The following PACRG variants were observed in gnomAD, a reference collection of about 807,000 sequenced individuals.
PACRG encodes the protein parkin coregulated.
A neutral mutation model predicts 29.7 loss-of-function variants in PACRG; 29 were observed. That is an observed-to-expected ratio of 0.98 (90% CI 0.73 to 1.33). PACRG has a LOEUF of 1.33. PACRG is among the 40% of genes most tolerant of loss of function. The pLI, the probability that PACRG is intolerant of heterozygous loss-of-function variation, is 0.00. For synonymous variants in PACRG, 116 were observed against 118.7 expected (o/e 0.98, Z 0.15); for missense variants, 279 against 316.2 (o/e 0.88, Z 0.89).
chr6:163,274,094 A>G (rs1048073678), intron 4 of PACRG, among the ~76,000 whole-genome samples: 3 of 151,960 alleles, frequency 2.0e-5, no homozygotes, highest in African/African-American at 7.3e-5. Context: ...GGTTTGTTAC[A>G]TATGTATACA....
intron 2 of PACRG, among the ~76,000 whole-genome samples, chr6:162,954,719 T>A (rs1021222488): frequency 3.9e-5 from 6 of 152,164 alleles, no homozygotes; most frequent in Non-Finnish European, 8.8e-5. Flanking sequence ...AATGAAAACC[T>A]CATGTCAAGT....
At chr6:162,908,585 AC>A in intron 2 of PACRG, among the ~76,000 whole-genome samples, 1 of 152,230 alleles carries the variant, frequency 6.6e-6, no homozygotes, top group Non-Finnish European at 1.5e-5. Flanking sequence ...CCATTCCGAG[AC>A]ATTCCATGTC....
chr6:163,147,474 T>A (rs1455030335), intron 4 of PACRG, among the ~76,000 whole-genome samples: 1 of 152,180 alleles, frequency 6.6e-6, no homozygotes, highest in Non-Finnish European at 1.5e-5. Context: ...TCCCAGTGTC[T>A]CCAATCTTGC....
At chr6:163,278,282 T>C (rs1316922422) in intron 4 of PACRG, among the ~76,000 whole-genome samples, 5 of 152,220 alleles carry the variant, frequency 3.3e-5, no homozygotes, top group Non-Finnish European at 7.3e-5. Context: ...TCTCACTCTG[T>C]GGGTTGTCTG....
At chr6:163,213,682 T>C (rs2128156000) in intron 4 of PACRG, among the ~76,000 whole-genome samples, 1 of 152,336 alleles carries the variant, frequency 6.6e-6, no homozygotes, top group Non-Finnish European at 1.5e-5. Flanking sequence ...TATTTTTTTC[T>C]CATTGATTGG....
intron 4 of PACRG, among the ~76,000 whole-genome samples, chr6:163,161,576 C>T (rs6909176): frequency 0.19 from 28,542 of 152,158 alleles, 3,511 homozygotes; most frequent in African/African-American, 0.34. Flanking sequence ...ATTTTGTACA[C>T]GTGCGTATAT....
chr6:163,149,641 T>C (rs1777991450), intron 4 of PACRG, among the ~76,000 whole-genome samples: 1 of 152,012 alleles, frequency 6.6e-6, no homozygotes, highest in African/African-American at 2.4e-5. Flanking sequence ...CTGCGGGTGC[T>C]GCCCGCACAG....
intron 2 of PACRG, among the ~76,000 whole-genome samples, chr6:163,040,149 G>A (rs992747426): frequency 3.3e-5 from 5 of 152,170 alleles, no homozygotes; most frequent in South Asian, 4.1e-4. Flanking sequence ...CTTCAGCTCC[G>A]GCTGTGGCTA....
intron 4 of PACRG, among the ~76,000 whole-genome samples, chr6:163,239,845 CACACACTCTCACACTCCCACCCCGACAT>C (rs1166149335): frequency 7.1e-5 from 10 of 141,838 alleles, no homozygotes; most frequent in Admixed American, 2.1e-4. Flanking sequence ...CTCACATACA[CACACACTCTCACACTCCCACCCCGACAT>C]ACACACACTC....
At chr6:162,860,044 T>G (rs562290249) in intron 2 of PACRG, among the ~76,000 whole-genome samples, 1 of 83,626 alleles carries the variant, frequency 1.2e-5, no homozygotes, top group African/African-American at 5.0e-5. Flanking sequence ...TTATACTTTC[T>G]AAAAAATGGG....
At chr6:163,224,868 G>T (rs1053040250) in intron 4 of PACRG, among the ~76,000 whole-genome samples, 3 of 152,030 alleles carry the variant, frequency 2.0e-5, no homozygotes, top group African/African-American at 4.8e-5. Context: ...AAACTAAAAA[G>T]CTTCTGTACA....
At chr6:163,282,734 G>T (rs1043741900) in intron 4 of PACRG, among the ~76,000 whole-genome samples, 1 of 148,722 alleles carries the variant, frequency 6.7e-6, no homozygotes, top group Non-Finnish European at 1.5e-5. Context: ...AAAAAGAAAA[G>T]AAATTCATCT....
At chr6:162,797,219 G>A (rs540004937) in intron 1 of PACRG, among the ~76,000 whole-genome samples, 2 of 152,162 alleles carry the variant, frequency 1.3e-5, no homozygotes, top group Non-Finnish European at 2.9e-5. Flanking sequence ...AGGTTACAGT[G>A]AGCCGAGATC....
At chr6:163,062,484 T>C (rs1208180401) in intron 3 of PACRG, among the ~76,000 whole-genome samples, 163 bp downstream of exon 3, 1 of 152,186 alleles carries the variant, frequency 6.6e-6, no homozygotes, top group Non-Finnish European at 1.5e-5. Context: ...TCCAAAAATA[T>C]ATCCCATCAT....
intron 1 of PACRG, among the ~76,000 whole-genome samples, chr6:162,784,674 A>T (rs1255035597): frequency 1.3e-5 from 2 of 152,188 alleles, no homozygotes; most frequent in Non-Finnish European, 2.9e-5. Flanking sequence ...GATACAGAAG[A>T]CTGAGAAGCT....
At chr6:162,764,746 A>AC (rs1264089477) in intron 1 of PACRG, among the ~76,000 whole-genome samples, 8 of 148,734 alleles carry the variant, frequency 5.4e-5, no homozygotes, top group African/African-American at 2.0e-4. Context: ...TGGAATCCAA[A>AC]CTTTTTTTTT....
At chr6:163,100,541 C>T (rs1320918703) in intron 4 of PACRG, among the ~76,000 whole-genome samples, 2 of 152,208 alleles carry the variant, frequency 1.3e-5, no homozygotes, top group Non-Finnish European at 2.9e-5. Context: ...CAGCGCGTGG[C>T]CAGTTCCCCG....
rs139915868 is a variant in PACRG, at chr6:162,881,661, A to C, written c.291+67380A>C. 5.9e-3 allele frequency among the ~76,000 whole-genome samples: 878 copies of C among 149,794 alleles called. 16 individuals are homozygous for C. Among genetic ancestry groups the C allele is most frequent in the African/African-American group, 0.021 (839 of 40,680 alleles). On this transcript the variant is annotated intron_variant, in intron 2 of 4. Coordinates refer to ENST00000366888, the MANE Select transcript of PACRG (RefSeq NM_001080379.2). ...CAGAGACCTGGGGGAATTCTTCACC[A>C]AGACCAGAGACCCAGGGACACTCTC...
intron 2 of PACRG, among the ~76,000 whole-genome samples, chr6:162,912,795 C>A (rs1246298304): frequency 1.3e-5 from 2 of 151,776 alleles, no homozygotes; most frequent in South Asian, 4.2e-4. Flanking sequence ...TGCTCTTGAT[C>A]TCCTGACCTC....
Sources: allele counts gnomAD v4.1 joint callset (sites outside exome capture counted in the v4.1 genomes callset), GRCh38; gene constraint gnomAD v4.1.1; transcripts MANE v1.5; gene names NCBI Gene and HGNC (gene_info 2026-07-23, HGNC 2026-07-21).